The following PDE1C variants were observed in gnomAD, a reference collection of about 807,000 sequenced individuals.
PDE1C encodes the protein dual specificity calcium/calmodulin-dependent 3',5'-cyclic nucleotide phosphodiesterase 1C.
PDE1C carries 62 observed loss-of-function variants against 93.1 expected under a neutral mutation model. The ratio of observed to expected loss-of-function variants is 0.67; its 90% CI spans 0.54 to 0.82. The LOEUF (loss-of-function observed/expected upper bound fraction) is 0.82. Among genes scored for constraint, PDE1C ranks in the 40% least tolerant of loss-of-function variants. PDE1C has a pLI of 0.00. For synonymous variants in PDE1C, 325 were observed against 310.1 expected, an observed-to-expected ratio of 1.05 and a Z score of -0.50; for missense variants, 742 against 884.6, an observed-to-expected ratio of 0.84 and a Z score of 2.04.
At position 31,775,955 on chromosome 7, in the gene PDE1C, G is replaced by T. The variant is rs1795800373; in HGVS notation, c.1892-223C>A. ...AGTACGCAGTTCCTCTGGCTGGAAG[G>T]TTGATATGTTGGGACCGATGTGCCA... On this transcript the variant is annotated intron_variant, in intron 16 of 17. Coordinates refer to ENST00000396191, the MANE Select transcript of PDE1C (RefSeq NM_001191057.4). Among the ~76,000 whole-genome samples, 3 of 152,186 alleles carry T rather than the reference G, an allele frequency of 2.0e-5. No individual in the cohort carries two copies. In the South Asian group the frequency reaches 6.2e-4, roughly 32 times the overall value.
At chr7:32,383,977 T>A (rs749339841) in intron 1 of PDE1C, among the ~76,000 whole-genome samples, 6 of 152,206 alleles carry the variant, frequency 3.9e-5, no homozygotes, top group Non-Finnish European at 8.8e-5. Context: ...TCAGAATAGA[T>A]CTGTTTGAAC....
intron 1 of PDE1C, among the ~76,000 whole-genome samples, chr7:32,395,007 G>A (rs1279071754): frequency 6.6e-6 from 1 of 152,152 alleles, no homozygotes; most frequent in African/African-American, 2.4e-5. Context: ...GCAGAGTTGT[G>A]AGCCAGATAA....
chr7:31,738,517 G>A, the PDE1C span, among the ~76,000 whole-genome samples: 1 of 152,230 alleles, frequency 6.6e-6, no homozygotes, highest in East Asian at 1.9e-4. Flanking sequence ...CTCTTGACAG[G>A]TGGGGATTAT....
At chr7:31,762,565 C>T (rs774099103) in intron 17 of PDE1C, among the ~76,000 whole-genome samples, 3 of 152,132 alleles carry the variant, frequency 2.0e-5, no homozygotes, top group Admixed American at 6.5e-5. Context: ...GTCTCGAACT[C>T]CTGACCTCAA....
chr7:32,332,390 G>A (rs1004100228), intron 1 of PDE1C, among the ~76,000 whole-genome samples: 3 of 151,828 alleles, frequency 2.0e-5, no homozygotes, highest in East Asian at 3.9e-4. Context: ...CCAAGTGTTG[G>A]CAAAGATTCA....
chr7:32,103,640 A>T (rs1415654703), intron 3 of PDE1C, among the ~76,000 whole-genome samples: 1 of 152,194 alleles, frequency 6.6e-6, no homozygotes, highest in Non-Finnish European at 1.5e-5. Context: ...CCACATAGAG[A>T]GGGCTTGCTG....
At chr7:32,005,828 C>T (rs1055160822) in intron 2 of PDE1C, among the ~76,000 whole-genome samples, 12 of 151,984 alleles carry the variant, frequency 7.9e-5, no homozygotes, top group South Asian at 2.1e-4. Flanking sequence ...TTTGGATGTG[C>T]GCATTTTAAA....
At position 32,046,212 on chromosome 7, in the gene PDE1C, T is replaced by TA. The variant is rs1792536432; in HGVS notation, c.128+5341_128+5342insT. 2.0e-5 allele frequency among the ~76,000 whole-genome samples: 3 copies of TA among 151,386 alleles called. No homozygotes were observed. In the East Asian group the frequency reaches 5.8e-4, roughly 29 times the overall value. ...TATTTTTGAGCCATTTGCCTTTTTT[T>TA]TAAAAAAAAAAAAGAAAGCCTAAAA... On this transcript the variant is annotated intron_variant, in intron 2 of 17. Transcript: ENST00000396191.
At chr7:32,001,337 G>A (rs1183444621) in intron 2 of PDE1C, among the ~76,000 whole-genome samples, 1 of 152,196 alleles carries the variant, frequency 6.6e-6, no homozygotes, top group Non-Finnish European at 1.5e-5. Context: ...CCCATATCAG[G>A]AGTTGATTCT....
chr7:32,311,281 A>C (rs1437400486), intron 1 of PDE1C, among the ~76,000 whole-genome samples: 2 of 152,224 alleles, frequency 1.3e-5, no homozygotes, highest in Non-Finnish European at 2.9e-5. Context: ...AACCAAAAAA[A>C]AGTCCAGGAC....
intron 3 of PDE1C, among the ~76,000 whole-genome samples, chr7:32,109,178 C>T (rs2128754358): frequency 6.6e-6 from 1 of 152,142 alleles, no homozygotes; most frequent in South Asian, 2.1e-4. Flanking sequence ...CAAGGGACCC[C>T]CTCATAGTGT....
intron 1 of PDE1C, among the ~76,000 whole-genome samples, chr7:32,317,255 G>GT (rs1301104757): frequency 1.3e-5 from 2 of 152,192 alleles, no homozygotes; most frequent in African/African-American, 2.4e-5. Flanking sequence ...CTCAACTCAT[G>GT]TTTTTTGGGA....
chr7:31,853,460 A>C (rs1294566125), intron 7 of PDE1C, among the ~76,000 whole-genome samples: 1 of 152,176 alleles, frequency 6.6e-6, no homozygotes, highest in Non-Finnish European at 1.5e-5. Flanking sequence ...AGCAAGTCCC[A>C]GCAGCAAAAG....
At chr7:32,374,283 GAA>G (rs1554314038) in intron 1 of PDE1C, among the ~76,000 whole-genome samples, 2 of 148,790 alleles carry the variant, frequency 1.3e-5, no homozygotes, top group African/African-American at 5.1e-5. Flanking sequence ...AAGAAAGAAA[GAA>G]AGAAAGAAAG....
intron 2 of PDE1C, among the ~76,000 whole-genome samples, chr7:32,206,185 A>C (rs577515341): frequency 2.0e-5 from 3 of 152,232 alleles, no homozygotes; most frequent in African/African-American, 7.2e-5. Context: ...TCCCACTAGC[A>C]TGTAGGAGAC....
At chr7:32,117,730 C>T (rs1799063154) in intron 3 of PDE1C, among the ~76,000 whole-genome samples, 1 of 152,186 alleles carries the variant, frequency 6.6e-6, no homozygotes, top group South Asian at 2.1e-4. Flanking sequence ...TGGCAGGTTG[C>T]AGTCAAGAGT....
intron 1 of PDE1C, among the ~76,000 whole-genome samples, chr7:32,413,466 C>T (rs1346857066): frequency 6.6e-6 from 1 of 152,140 alleles, no homozygotes; most frequent in East Asian, 1.9e-4. Flanking sequence ...TGAAATAAGT[C>T]AATCACAAAA....
At chr7:32,360,938 G>A (rs976481145) in intron 1 of PDE1C, among the ~76,000 whole-genome samples, 79 of 152,230 alleles carry the variant, frequency 5.2e-4, no homozygotes, top group Middle Eastern at 3.4e-3. Context: ...TGCTAGGCAC[G>A]GTTGAAGAGC....
chr7:32,254,382 C>T (rs11761481), intron 1 of PDE1C, among the ~76,000 whole-genome samples: 19,063 of 152,086 alleles, frequency 0.13, 1,425 homozygotes, highest in African/African-American at 0.19. Context: ...CATGAGAAGG[C>T]ACAGAACTTT....
Sources: gnomAD v4.1 joint callset for allele counts (sites outside exome capture counted in the v4.1 genomes callset) on GRCh38, gnomAD v4.1.1 for gene constraint, MANE v1.5 for transcripts, NCBI Gene and HGNC (gene_info 2026-07-23, HGNC 2026-07-21) for gene names.